TMC7: variants seen among roughly 807,000 people sequenced by gnomAD.
TMC7 encodes transmembrane channel-like protein 7.
A neutral mutation model predicts 82.9 loss-of-function variants in TMC7; 54 were observed. The ratio of observed to expected loss-of-function variants is 0.65; its 90% CI spans 0.52 to 0.82. TMC7 has a LOEUF of 0.82. Ranked by LOEUF, TMC7 falls within the 40% of genes least tolerant of loss-of-function variation. The pLI is 0.00. For missense variants in TMC7, 820 were observed against 901.2 expected, an observed-to-expected ratio of 0.91 and a Z score of 1.15; for synonymous variants, 350 against 337.9, an observed-to-expected ratio of 1.04 and a Z score of -0.39.
intron 5 of TMC7, among the ~76,000 whole-genome samples, chr16:19,024,319 G>A (rs1336684185): frequency 1.3e-5 from 2 of 152,116 alleles, no homozygotes; most frequent in Non-Finnish European, 2.9e-5. Flanking sequence ...TACTCTGGAG[G>A]CTGAGGTAGG....
Position 19,063,710 on chromosome 16 carries a change from G to A in TMC7, c.*1867G>A, listed in dbSNP as rs1049984666. ...TGTGTGTGTGTGTGATGAACACAAC[G>A]AAAACGTACTGCGTTTTTTTTCCTA... is the stretch of plus-strand genomic sequence containing the variant. On this transcript the variant is annotated 3_prime_UTR_variant, in exon 16 of 16. Transcript: ENST00000304381. 1.5e-4 allele frequency: 22 copies of A among 151,032 alleles called. No homozygotes were observed. Among genetic ancestry groups the A allele is most frequent in the African/African-American group, 5.4e-4 (22 of 41,080 alleles). The allele number at this position is 151,032 out of a possible 1,614,324, so 9.4% of individuals were successfully genotyped here. A position where few individuals can be genotyped will look rare whatever the true frequency, so the allele number is the denominator to read the frequency against.
chr16:19,044,545 A>G (rs1174149060), intron 9 of TMC7, among the ~76,000 whole-genome samples: 3 of 151,754 alleles, frequency 2.0e-5, no homozygotes, highest in Non-Finnish European at 4.4e-5. Context: ...CACACCTATA[A>G]TCCCAGCACT....
At chr16:19,061,627 C>A (rs1962014981) in intron 15 of TMC7, 151 bp from the exon 16 acceptor site, 1 of 596,910 alleles carries the variant, frequency 1.7e-6, no homozygotes, top group African/African-American at 1.9e-5. Flanking sequence ...GCTTTGTGGA[C>A]AAGGGGCTGT....
At chr16:19,044,685 C>A (rs900581841) in intron 9 of TMC7, among the ~76,000 whole-genome samples, 199 bp from the exon 10 acceptor site, 3 of 151,146 alleles carry the variant, frequency 2.0e-5, no homozygotes, top group African/African-American at 7.3e-5. Flanking sequence ...ACCTGTAATC[C>A]CCGCTACTTG....
rs371597361 is a variant in TMC7, at chr16:19,009,410, A to G, written c.306A>G (p.Arg102=). ...CACTGAACATCTCTGAGAAGCGGAGACTAAGGTTTGTTCACTAGCCACCTG... is the reference window on the plus strand; with the variant it reads ...CACTGAACATCTCTGAGAAGCGGAGGCTAAGGTTTGTTCACTAGCCACCTG... ...NYALNISEKR[R]LRDIQETQMK... The change falls in exon 2 of 16, where the codon AGA becomes AGG. Residue 102 remains arginine (R), a synonymous_variant. Transcript: ENST00000304381. The G allele has an allele frequency of 5.6e-6, 9 of 1,611,732 alleles. 1 individual carries two copies. In the Admixed American group the frequency reaches 8.3e-5, roughly 15 times the overall value.
At chr16:18,990,681 A>G (rs1283589474) in intron 1 of TMC7, among the ~76,000 whole-genome samples, 1 of 152,124 alleles carries the variant, frequency 6.6e-6, no homozygotes, top group African/African-American at 2.4e-5. Flanking sequence ...TAGGCGGTGG[A>G]GTTAAGAGCA....
In TMC7 at chr16:19,030,353, C is replaced by T; in HGVS notation, c.841C>T (p.Leu281Phe). The change falls in exon 6 of 16, where the codon CTT (leucine) becomes TTT (phenylalanine). Residue 281 changes from leucine (L) to phenylalanine (F), a missense_variant. This residue lies in a region of TMC7 where 650 missense variants were observed against 669.9 expected (regional missense o/e 0.97). Transcript: ENST00000304381. ...STIASLALSL[L>F]WIVKRSVEGF... ...AATCGCCTCCCTGGCCCTGAGCCTTCTTTGGATAGTGAAAAGGTAAAGTCT... is the reference window on the plus strand; with the variant it reads ...AATCGCCTCCCTGGCCCTGAGCCTTTTTTGGATAGTGAAAAGGTAAAGTCT... 1.2e-6 allele frequency: 2 copies of T among 1,611,000 alleles called. No homozygotes were observed. Among genetic ancestry groups the T allele is most frequent in the Non-Finnish European group, 1.7e-6 (2 of 1,178,964 alleles).
intron 1 of TMC7, among the ~76,000 whole-genome samples, chr16:18,985,445 T>C (rs1319607254): frequency 3.3e-5 from 5 of 152,214 alleles, no homozygotes; most frequent in Admixed American, 3.3e-4. Flanking sequence ...ATACTGCTTA[T>C]GTCAGCTGAA....
At chr16:18,996,434 T>C (rs901494339) in intron 1 of TMC7, among the ~76,000 whole-genome samples, 2 of 152,060 alleles carry the variant, frequency 1.3e-5, no homozygotes, top group African/African-American at 4.8e-5. Context: ...CTTGTAGGAA[T>C]TTGCCCATTT....
At chr16:19,057,026 C>G (rs1423805751) in intron 14 of TMC7, among the ~76,000 whole-genome samples, 1 of 152,038 alleles carries the variant, frequency 6.6e-6, no homozygotes, top group East Asian at 1.9e-4. Flanking sequence ...GTAATGCCAG[C>G]TACTCAGGTG....
intron 6 of TMC7, among the ~76,000 whole-genome samples, chr16:19,032,742 C>T (rs1041531842): frequency 4.6e-5 from 7 of 152,102 alleles, no homozygotes; most frequent in African/African-American, 1.4e-4. Flanking sequence ...ATTCTTCTGC[C>T]TCAGCCTCCC....
intron 1 of TMC7, among the ~76,000 whole-genome samples, chr16:19,002,534 G>A (rs1301569544): frequency 4.0e-5 from 6 of 151,850 alleles, no homozygotes; most frequent in Admixed American, 2.6e-4. Flanking sequence ...ACAGTGCCCA[G>A]CCCGGATGGA....
intron 3 of TMC7, among the ~76,000 whole-genome samples, chr16:19,017,095 G>T (rs1959729614): frequency 6.6e-6 from 1 of 152,116 alleles, no homozygotes; most frequent in Admixed American, 6.6e-5. Flanking sequence ...TGAGGCATGA[G>T]AATCACTTGA....
chr16:19,059,382 G>T, intron 14 of TMC7, 34 bp from the exon 15 acceptor site: 1 of 1,603,420 alleles, frequency 6.2e-7, no homozygotes, highest in South Asian at 1.1e-5. Context: ...AGATGATCCA[G>T]ACTCCCTTGT....
At chr16:19,029,785 A>T (rs1363493037) in intron 5 of TMC7, among the ~76,000 whole-genome samples, 1 of 150,104 alleles carries the variant, frequency 6.7e-6, no homozygotes, top group African/African-American at 2.5e-5. Context: ...GGTTCAAGTG[A>T]TTCTCCTGCC....
At chr16:19,055,556 C>G in intron 13 of TMC7, among the ~76,000 whole-genome samples, 1 of 152,158 alleles carries the variant, frequency 6.6e-6, no homozygotes, top group African/African-American at 2.4e-5. Context: ...CGTGGTTTCA[C>G]CACGTTGGCC....
intron 5 of TMC7, among the ~76,000 whole-genome samples, chr16:19,026,086 AAAACCCTTTTAC>A (rs1960212372): frequency 6.6e-6 from 1 of 151,922 alleles, no homozygotes; most frequent in Non-Finnish European, 1.5e-5. Flanking sequence ...TGATTTTGAA[AAAACCCTTTTAC>A]ATCTCTGATC....
intron 1 of TMC7, among the ~76,000 whole-genome samples, chr16:18,987,273 T>C (rs1007739710): frequency 6.6e-6 from 1 of 152,140 alleles, no homozygotes; most frequent in Admixed American, 6.6e-5. Context: ...AAGTCATCTA[T>C]CTGGTTTGGT....
chr16:19,056,441 C>T, intron 13 of TMC7, 101 bp from the exon 14 acceptor site: 1 of 1,408,852 alleles, frequency 7.1e-7, no homozygotes. Context: ...TAGGTGGCTC[C>T]CTGTAGGCCA....
Sources: allele counts gnomAD v4.1 joint callset (sites outside exome capture counted in the v4.1 genomes callset), GRCh38; gene constraint gnomAD v4.1.1; regional missense constraint gnomAD v4.1.1; transcripts MANE v1.5; gene names NCBI Gene and HGNC (gene_info 2026-07-23, HGNC 2026-07-21).